SERTM1: variants seen among roughly 807,000 people sequenced by gnomAD.
The protein encoded by SERTM1 is serine-rich and transmembrane domain-containing protein 1.
Under a neutral mutation model 5.5 loss-of-function variants are expected in SERTM1, and 1 was observed. That is an observed-to-expected ratio of 0.18 (90% confidence interval 0.06 to 0.86). The LOEUF (loss-of-function observed/expected upper bound fraction) is 0.86, where lower values mean the gene tolerates loss of function less well. Among genes scored for constraint, SERTM1 ranks in the 40% least tolerant of loss-of-function variants. SERTM1 has a pLI of 0.69. For missense variants in SERTM1, 91 were observed against 122.4 expected (o/e 0.74, Z 1.21); for synonymous variants, 52 against 55.1 (o/e 0.94, Z 0.25).
intron 1 of SERTM1, among the ~76,000 whole-genome samples, chr13:36,687,848 C>T (rs902929695): frequency 6.6e-6 from 1 of 152,088 alleles, no homozygotes; most frequent in Non-Finnish European, 1.5e-5. Context: ...AGCCTGGATG[C>T]CTGTGAGAGA....
In SERTM1 at chr13:36,695,459, G is replaced by T; in HGVS notation, c.*57G>T. 1 of 1,270,094 alleles carries T rather than the reference G, an allele frequency of 7.9e-7. No homozygotes were observed. The highest frequency in any genetic ancestry group is 1.1e-6 in the Non-Finnish European group (1 of 891,540). 78.7% of individuals were successfully genotyped at this position (1,270,094 alleles called of 1,614,324 possible). A position where few individuals can be genotyped will look rare whatever the true frequency, so the allele number is the denominator to read the frequency against. On this transcript the variant is annotated 3_prime_UTR_variant, in exon 2 of 2. Transcript: ENST00000315190. ...AGTTTTGACATCCCCTTACGGAAGT[G>T]TCCCGTGAGGCATTGCCTCATGAAA...
At chr13:36,677,230 GA>G (rs1200548642) in intron 1 of SERTM1, among the ~76,000 whole-genome samples, 8 of 151,146 alleles carry the variant, frequency 5.3e-5, no homozygotes, top group African/African-American at 1.7e-4. Context: ...TTTGGAAAAA[GA>G]AAAAAAAGAT....
At chr13:36,690,716 CA>C (rs1185484078) in intron 1 of SERTM1, among the ~76,000 whole-genome samples, 1 of 152,204 alleles carries the variant, frequency 6.6e-6, no homozygotes, top group Non-Finnish European at 1.5e-5. Context: ...AGGTGTTCTA[CA>C]GAGGAAAAGA....
At chr13:36,685,558 A>AT (rs1293946188) in intron 1 of SERTM1, among the ~76,000 whole-genome samples, 1 of 152,230 alleles carries the variant, frequency 6.6e-6, no homozygotes, top group Middle Eastern at 3.4e-3. Context: ...AATGTTTCCT[A>AT]TTTTTTAAAA....
intron 1 of SERTM1, among the ~76,000 whole-genome samples, chr13:36,684,633 C>A (rs908037437): frequency 2.8e-4 from 42 of 152,106 alleles, no homozygotes; most frequent in African/African-American, 9.2e-4. Flanking sequence ...TCCTGTACCT[C>A]TCATCATTCT....
At chr13:36,675,417 C>G (rs1039921058) in intron 1 of SERTM1, among the ~76,000 whole-genome samples, 4 of 152,158 alleles carry the variant, frequency 2.6e-5, no homozygotes, top group Non-Finnish European at 4.4e-5. Context: ...ATTCATTGTT[C>G]AGACAACAGC....
Position 36,697,237 on chromosome 13 carries a change from A to G in SERTM1, c.*1835A>G, listed in dbSNP as rs1000436425. The G allele has an allele frequency of 8.4e-5, 14 of 165,852 alleles. No individual in the cohort carries two copies. The highest frequency in any genetic ancestry group is 1.9e-4 in the East Asian group (1 of 5,168). 10.3% of individuals were successfully genotyped at this position (165,852 alleles called of 1,614,324 possible). A position where few individuals can be genotyped will look rare whatever the true frequency, so the allele number is the denominator to read the frequency against. The stretch of plus-strand genomic sequence containing the variant: ...TAAAAACTGGACTAGATAAACTGCT[A>G]TTTTAGAGCATTATTAGCATTCTCT... On this transcript the variant is annotated 3_prime_UTR_variant, in exon 2 of 2. Coordinates refer to ENST00000315190, the MANE Select transcript of SERTM1 (RefSeq NM_203451.3).
chr13:36,691,073 G>C (rs910190333), intron 1 of SERTM1, among the ~76,000 whole-genome samples: 2 of 152,196 alleles, frequency 1.3e-5, no homozygotes, highest in African/African-American at 4.8e-5. Flanking sequence ...CATATTTGAG[G>C]CTGACTGGTA....
intron 1 of SERTM1, among the ~76,000 whole-genome samples, chr13:36,679,783 G>A (rs190167765): frequency 1.9e-4 from 29 of 152,242 alleles, no homozygotes; most frequent in African/African-American, 4.8e-4. Context: ...ATTTGTGTGC[G>A]AATAAGTGTA....
At chr13:36,682,497 C>G (rs1393538243) in intron 1 of SERTM1, among the ~76,000 whole-genome samples, 1 of 152,132 alleles carries the variant, frequency 6.6e-6, no homozygotes, top group Non-Finnish European at 1.5e-5. Context: ...GAATAATAAG[C>G]AGATGAGACA....
At chr13:36,678,792 T>C (rs2056685777) in intron 1 of SERTM1, among the ~76,000 whole-genome samples, 1 of 151,870 alleles carries the variant, frequency 6.6e-6, no homozygotes, top group Non-Finnish European at 1.5e-5. Flanking sequence ...GACATTTTAG[T>C]AGCTTCAATG....
At chr13:36,675,103 C>T (rs917089344) in intron 1 of SERTM1, among the ~76,000 whole-genome samples, 2 of 152,178 alleles carry the variant, frequency 1.3e-5, no homozygotes, top group Non-Finnish European at 2.9e-5. Context: ...GATGCCCGGG[C>T]TCCATCGGAC....
intron 1 of SERTM1, among the ~76,000 whole-genome samples, chr13:36,678,288 G>A (rs1475593214): frequency 6.6e-6 from 1 of 151,998 alleles, no homozygotes; most frequent in African/African-American, 2.4e-5. Flanking sequence ...TAACAGCTTG[G>A]TATATAACCT....
intron 1 of SERTM1, among the ~76,000 whole-genome samples, chr13:36,693,192 G>T (rs573210524): frequency 7.9e-5 from 12 of 152,164 alleles, no homozygotes; most frequent in Non-Finnish European, 1.3e-4. Context: ...CACTTAGGAG[G>T]TTGTACTTGA....
intron 1 of SERTM1, among the ~76,000 whole-genome samples, chr13:36,683,587 T>TACTC (rs1274968484): frequency 6.6e-6 from 1 of 152,148 alleles, no homozygotes; most frequent in African/African-American, 2.4e-5. Flanking sequence ...GGGGTGAAGA[T>TACTC]ACTCACTGTG....
At chr13:36,679,286 A>G (rs2056688767) in intron 1 of SERTM1, among the ~76,000 whole-genome samples, 1 of 152,244 alleles carries the variant, frequency 6.6e-6, no homozygotes. Flanking sequence ...GCAGCACAGC[A>G]GGTTGAGACT....
At chr13:36,693,407 T>C (rs1022164591) in intron 1 of SERTM1, among the ~76,000 whole-genome samples, 2 of 151,924 alleles carry the variant, frequency 1.3e-5, no homozygotes, top group African/African-American at 4.8e-5. Context: ...TTTTTTTTTT[T>C]TCCTTAAGGT....
In SERTM1 at chr13:36,675,606, C is replaced by A. The variant is rs531766013; in HGVS notation, c.-174+1422C>A. On this transcript the variant is annotated intron_variant, in intron 1 of 1. Coordinates refer to ENST00000315190, the MANE Select transcript of SERTM1 (RefSeq NM_203451.3). The stretch of plus-strand genomic sequence containing the variant: ...CATGCCCATAGAGGTTCTTAAATAT[C>A]TTTTTTGTAACTAAATTCTCTTCAT... 2.8e-4 allele frequency among the ~76,000 whole-genome samples: 43 copies of A among 152,304 alleles called. No homozygotes were observed. In the Middle Eastern group the frequency reaches 0.01, roughly 36 times the overall value.
chr13:36,679,637 C>T (rs1186209492), intron 1 of SERTM1, among the ~76,000 whole-genome samples: 1 of 152,124 alleles, frequency 6.6e-6, no homozygotes, highest in Non-Finnish European at 1.5e-5. Flanking sequence ...GAACTCCTGA[C>T]TTCAAGTGGT....
Sources: gnomAD v4.1 joint callset for allele counts (sites outside exome capture counted in the v4.1 genomes callset) on GRCh38, gnomAD v4.1.1 for gene constraint, MANE v1.5 for transcripts, NCBI Gene and HGNC (gene_info 2026-07-23, HGNC 2026-07-21) for gene names.